Variants in ADAMTSL1 observed in about 807,000 individuals in gnomAD.
ADAMTSL1 encodes the protein ADAMTS like 1.
A neutral mutation model predicts 201.8 loss-of-function variants in ADAMTSL1; 126 were observed. That is an observed-to-expected ratio of 0.62 (90% confidence interval 0.54 to 0.72). The LOEUF is 0.72. ADAMTSL1 is among the 30% of genes least tolerant of loss of function. The pLI, the probability that ADAMTSL1 is intolerant of heterozygous loss-of-function variation, is 0.00. For synonymous variants in ADAMTSL1, 1,121 were observed against 903.4 expected (o/e 1.24, Z -4.32); for missense variants, 2,679 against 2,277.8 (o/e 1.18, Z -3.59).
In ADAMTSL1 at chr9:18,905,810, T is replaced by C; in HGVS notation, c.4880T>C (p.Leu1627Pro). ...QCNGPCIGPHLAVQHRQVFCQ... is the reference protein window; with the variant it reads ...QCNGPCIGPHPAVQHRQVFCQ... ...AATGGGCCTTGCATCGGGCCTCACCTAGCTGTGCAACACAGACAAGTCTTC... is the reference window on the plus strand; with the variant it reads ...AATGGGCCTTGCATCGGGCCTCACCCAGCTGTGCAACACAGACAAGTCTTC... The change falls in exon 27 of 29, where the codon CTA becomes CCA. Residue 1627 changes from leucine (L) to proline (P), a missense_variant. Transcript: ENST00000380548. 2 of 1,613,600 alleles carry C rather than the reference T, an allele frequency of 1.2e-6. No homozygotes were observed. The highest frequency in any genetic ancestry group is 1.7e-6 in the Non-Finnish European group (2 of 1,179,766).
intron 1 of ADAMTSL1, among the ~76,000 whole-genome samples, chr9:18,160,595 A>C (rs1276645913): frequency 6.6e-6 from 1 of 151,974 alleles, no homozygotes; most frequent in Non-Finnish European, 1.5e-5. Context: ...ATGTAAAGTA[A>C]CCATGTTTTC....
intron 2 of ADAMTSL1, among the ~76,000 whole-genome samples, chr9:18,409,383 CAAAAAAAAAAAAAAAA>C (rs781106126): frequency 2.6e-5 from 2 of 77,234 alleles, no homozygotes; most frequent in Admixed American, 3.1e-4. Flanking sequence ...AACTCCGTCT[CAAAAAAAAAAAAAAAA>C]AAAAAGAAAA....
chr9:18,557,911 A>G (rs989998482), intron 3 of ADAMTSL1, among the ~76,000 whole-genome samples: 1 of 152,042 alleles, frequency 6.6e-6, no homozygotes, highest in Admixed American at 6.6e-5. Flanking sequence ...CCTGGTAATT[A>G]TATATAATTA....
chr9:18,668,283 G>T (rs948097725), intron 9 of ADAMTSL1, among the ~76,000 whole-genome samples: 1 of 152,098 alleles, frequency 6.6e-6, no homozygotes, highest in Admixed American at 6.6e-5. Context: ...TTCATAATGA[G>T]ATAAATGATA....
At chr9:18,106,468 A>C (rs957813325) in intron 1 of ADAMTSL1, among the ~76,000 whole-genome samples, 14 of 152,152 alleles carry the variant, frequency 9.2e-5, no homozygotes, top group African/African-American at 3.4e-4. Context: ...ACAAGTTTCA[A>C]CTCTGCTTAG....
chr9:18,232,960 C>A (rs1830699864), intron 2 of ADAMTSL1, among the ~76,000 whole-genome samples: 1 of 152,124 alleles, frequency 6.6e-6, no homozygotes, highest in Non-Finnish European at 1.5e-5. Flanking sequence ...AGAATCATAA[C>A]AACCAAAATT....
intron 14 of ADAMTSL1, among the ~76,000 whole-genome samples, chr9:18,707,407 G>A (rs766911547): frequency 5.3e-5 from 8 of 152,220 alleles, no homozygotes; most frequent in African/African-American, 1.2e-4. Context: ...CTCAGTGCAT[G>A]CAATGTGAAC....
rs2383050 is a variant in ADAMTSL1, at chr9:17,920,081, A to T, written c.87+13159A>T. On this transcript the variant is annotated intron_variant, in intron 1 of 29. Transcript: ENST00000680146. Reference sequence around the variant, plus strand: ...ATTTCTCTAATGACTAATGATGTTGAGGATCTTTTCATTTTTACTTATGTT... The same window carrying T: ...ATTTCTCTAATGACTAATGATGTTGTGGATCTTTTCATTTTTACTTATGTT... 3.7e-4 allele frequency among the ~76,000 whole-genome samples: 57 copies of T among 152,170 alleles called. No individual in the cohort carries two copies. The East Asian group carries it at 3.9e-3, about 10-fold the overall frequency.
In ADAMTSL1 at chr9:18,904,085, C is replaced by T. The variant is rs185039083; in HGVS notation, c.4852-1697C>T. On this transcript the variant is annotated intron_variant, in intron 26 of 28. Coordinates refer to ENST00000380548, the MANE Select transcript of ADAMTSL1 (RefSeq NM_001040272.6). ...CCTGGGCTCAAGCTTACTCTTGCCT[C>T]GGCTTTCTGCATAGCTGGGAATACA... 1.0e-3 allele frequency among the ~76,000 whole-genome samples: 153 copies of T among 152,180 alleles called. 1 individual carries two copies. Among genetic ancestry groups the T allele is most frequent in the African/African-American group, 3.5e-3 (144 of 41,512 alleles).
chr9:18,533,131 T>C lies in ADAMTSL1; in HGVS notation c.192-116T>C, dbSNP rs138115507. The stretch of plus-strand genomic sequence containing the variant: ...AATAGTAAACCCTCTAAGAACATGC[T>C]TAGAAGAAAAGAGAGGCCCTTTTAC... On this transcript the variant is annotated intron_variant, in intron 2 of 28. Coordinates refer to ENST00000380548, the MANE Select transcript of ADAMTSL1 (RefSeq NM_001040272.6). The C allele has an allele frequency of 2.2e-4, 151 of 702,028 alleles. No individual in the cohort carries two copies. In the African/African-American group the frequency reaches 2.4e-3, roughly 11 times the overall value. The allele number at this position is 702,028 out of a possible 1,614,324, so 43.5% of individuals were successfully genotyped here. A position where few individuals can be genotyped will look rare whatever the true frequency, so the allele number is the denominator to read the frequency against.
At chr9:18,323,268 G>C (rs181029933) in intron 2 of ADAMTSL1, among the ~76,000 whole-genome samples, 2 of 152,180 alleles carry the variant, frequency 1.3e-5, no homozygotes, top group Admixed American at 6.5e-5. Context: ...ACCACAATAA[G>C]AGAATTAACA....
chr9:18,114,824 C>G (rs771509947), intron 1 of ADAMTSL1, among the ~76,000 whole-genome samples: 1 of 152,092 alleles, frequency 6.6e-6, no homozygotes, highest in South Asian at 2.1e-4. Context: ...GTGGTGAAGG[C>G]TGAAGGGAAT....
rs192767676 is a variant in ADAMTSL1 at position 18,593,776 on chromosome 9, A to G, written c.474+19510A>G. 1.6e-3 allele frequency among the ~76,000 whole-genome samples: 234 copies of G among 149,804 alleles called. 1 individual carries two copies. The highest frequency in any genetic ancestry group is 5.6e-3 in the African/African-American group (225 of 40,036). On this transcript the variant is annotated intron_variant, in intron 4 of 28. Coordinates refer to ENST00000380548, the MANE Select transcript of ADAMTSL1 (RefSeq NM_001040272.6). ...TCCATTGTGTTCAGAGAAGATGCTT[A>G]ATATTATTTCAGGTTTTTTTTTAAT...
At chr9:18,229,500 T>TA (rs35490524) in intron 2 of ADAMTSL1, among the ~76,000 whole-genome samples, 3 of 151,696 alleles carry the variant, frequency 2.0e-5, no homozygotes, top group African/African-American at 7.3e-5. Context: ...GAACTTTCTA[T>TA]AAAAAAACTC....
chr9:18,836,526 T>G (rs1376427258), intron 23 of ADAMTSL1, among the ~76,000 whole-genome samples: 1 of 152,196 alleles, frequency 6.6e-6, no homozygotes, highest in Non-Finnish European at 1.5e-5. Context: ...TGAAGTTGGG[T>G]GGCATGATGC....
intron 1 of ADAMTSL1, among the ~76,000 whole-genome samples, chr9:18,121,439 G>A (rs189731908): frequency 6.6e-5 from 10 of 152,262 alleles, no homozygotes; most frequent in Middle Eastern, 3.4e-3. Flanking sequence ...GTCCCTAAAG[G>A]GGAAGCCTTG....
intron 21 of ADAMTSL1, 150 bp from the exon 22 acceptor site, chr9:18,826,134 C>A: frequency 1.2e-6 from 1 of 858,828 alleles, no homozygotes; most frequent in Non-Finnish European, 1.8e-6. Context: ...AGGCTCTGGA[C>A]ATTATTTAAT....
intron 19 of ADAMTSL1, among the ~76,000 whole-genome samples, chr9:18,794,111 T>C (rs1440955171): frequency 2.0e-5 from 3 of 152,118 alleles, no homozygotes; most frequent in Admixed American, 2.0e-4. Context: ...GACTTTATTC[T>C]ACTGGGAACC....
chr9:18,611,840 A>G (rs992646671), intron 4 of ADAMTSL1, among the ~76,000 whole-genome samples: 6 of 152,172 alleles, frequency 3.9e-5, no homozygotes, highest in Non-Finnish European at 8.8e-5. Flanking sequence ...TAATTTAACC[A>G]CAGAGGCTGC....
Sources: gnomAD v4.1 joint callset for allele counts (sites outside exome capture counted in the v4.1 genomes callset) on GRCh38, gnomAD v4.1.1 for gene constraint, MANE v1.5 for transcripts, NCBI Gene and HGNC (gene_info 2026-07-23, HGNC 2026-07-21) for gene names.